The following FAM135B variants were observed in gnomAD, a reference collection of about 807,000 sequenced individuals.
FAM135B encodes protein FAM135B.
In FAM135B, 43 loss-of-function variants were observed where a neutral mutation model predicts 127.7. That is an observed-to-expected ratio of 0.34 (90% confidence interval 0.26 to 0.43). FAM135B has a LOEUF of 0.43. FAM135B is among the 20% of genes least tolerant of loss of function. FAM135B has a pLI of 1.00. For synonymous variants in FAM135B, 670 were observed against 665.1 expected (o/e 1.01, Z -0.11); for missense variants, 1,558 against 1,725.6 (o/e 0.90, Z 1.72).
chr8:138,153,012 G>A lies in FAM135B; in HGVS notation c.1463C>T (p.Thr488Ile), dbSNP rs775230824. 5.6e-6 allele frequency: 9 copies of A among 1,614,164 alleles called. No individual in the cohort carries two copies. The highest frequency in any genetic ancestry group is 3.3e-4 in the Middle Eastern group (2 of 6,062). Residue 488 changes from threonine (T) to isoleucine (I), a missense_variant, in exon 13 of 20, where the codon ACA becomes ATA. Around this residue, in one of 5 missense-constraint regions of FAM135B, gnomAD observed 923 missense variants for 865.3 expected, o/e 1.07. Coordinates refer to ENST00000395297, the MANE Select transcript of FAM135B (RefSeq NM_015912.4). ...RCPEPGENVATQNHMDMCSES... is the reference protein window; with the variant it reads ...RCPEPGENVAIQNHMDMCSES... ...AGAGCACATGTCCATATGATTTTGT[G>A]TGGCCACATTCTCACCTGGCTCTGG...
chr8:138,369,792 C>G (rs948555513), intron 1 of FAM135B, among the ~76,000 whole-genome samples: 1 of 152,144 alleles, frequency 6.6e-6, no homozygotes, highest in Non-Finnish European at 1.5e-5. Flanking sequence ...CATTAAACAT[C>G]AACAGCTGCA....
intron 1 of FAM135B, among the ~76,000 whole-genome samples, chr8:138,415,421 G>A (rs941462043): frequency 6.6e-6 from 1 of 152,120 alleles, no homozygotes; most frequent in Non-Finnish European, 1.5e-5. Context: ...TTTAGCTCTC[G>A]TGGTGACAAA....
intron 18 of FAM135B, among the ~76,000 whole-genome samples, chr8:138,137,856 C>A (rs1183473723): frequency 6.6e-6 from 1 of 152,078 alleles, no homozygotes; most frequent in Non-Finnish European, 1.5e-5. Flanking sequence ...GCCTCAGAGC[C>A]CATCGTGAAC....
intron 1 of FAM135B, among the ~76,000 whole-genome samples, chr8:138,495,008 T>C (rs1041960334): frequency 1.6e-4 from 24 of 152,184 alleles, no homozygotes; most frequent in African/African-American, 5.8e-4. Flanking sequence ...TGAGTGAATC[T>C]TGGACCAGAC....
intron 2 of FAM135B, among the ~76,000 whole-genome samples, chr8:138,329,098 T>C (rs550450434): frequency 1.3e-5 from 2 of 151,912 alleles, no homozygotes; most frequent in Admixed American, 6.6e-5. Context: ...AACAGCCACA[T>C]AGGTGATCGA....
intron 1 of FAM135B, among the ~76,000 whole-genome samples, chr8:138,454,312 T>C (rs532830170): frequency 5.3e-4 from 80 of 152,300 alleles, no homozygotes; most frequent in African/African-American, 1.9e-3. Flanking sequence ...CACAGCCATG[T>C]TTCAGTGACC....
intron 12 of FAM135B, among the ~76,000 whole-genome samples, chr8:138,166,762 C>A (rs1357634483): frequency 6.6e-6 from 1 of 152,130 alleles, no homozygotes; most frequent in Non-Finnish European, 1.5e-5. Context: ...TATTTGGTGA[C>A]TCGATGAGTG....
intron 12 of FAM135B, among the ~76,000 whole-genome samples, chr8:138,154,422 A>G (rs934793815): frequency 2.6e-5 from 4 of 152,198 alleles, no homozygotes; most frequent in Non-Finnish European, 5.9e-5. Context: ...GCAACAGAAC[A>G]AAGTTGGATG....
intron 1 of FAM135B, among the ~76,000 whole-genome samples, chr8:138,422,576 C>T (rs1328526003): frequency 6.6e-6 from 1 of 152,030 alleles, no homozygotes; most frequent in African/African-American, 2.4e-5. Flanking sequence ...TCATCTCACA[C>T]CAGTCAGAAT....
At chr8:138,298,792 G>A (rs1022807015) in intron 3 of FAM135B, among the ~76,000 whole-genome samples, 1 of 152,036 alleles carries the variant, frequency 6.6e-6, no homozygotes, top group Admixed American at 6.6e-5. Flanking sequence ...TATTCCCAAG[G>A]AACACACAAT....
intron 12 of FAM135B, among the ~76,000 whole-genome samples, chr8:138,158,051 G>C (rs200083503): frequency 7.2e-5 from 11 of 152,074 alleles, no homozygotes; most frequent in African/African-American, 2.7e-4. Context: ...TCAAGCTATA[G>C]TACAAGGCTA....
chr8:138,357,499 G>A (rs1043647237), intron 2 of FAM135B, among the ~76,000 whole-genome samples: 1 of 152,072 alleles, frequency 6.6e-6, no homozygotes, highest in Non-Finnish European at 1.5e-5. Flanking sequence ...GAAAGAATAT[G>A]ATGACATTTT....
intron 12 of FAM135B, among the ~76,000 whole-genome samples, chr8:138,156,936 A>G (rs1332236157): frequency 2.0e-5 from 3 of 152,198 alleles, no homozygotes; most frequent in African/African-American, 7.2e-5. Flanking sequence ...ATCCTCCCTA[A>G]CTCATTTTAT....
intron 11 of FAM135B, among the ~76,000 whole-genome samples, chr8:138,173,006 C>T (rs73428814): frequency 0.064 from 9,674 of 152,232 alleles, 554 homozygotes; most frequent in East Asian, 0.17. Context: ...CTGTTCAGCA[C>T]ATGGTCACCT....
At chr8:138,224,004 G>A (rs1323787907) in intron 7 of FAM135B, among the ~76,000 whole-genome samples, 1 of 151,960 alleles carries the variant, frequency 6.6e-6, no homozygotes, top group African/African-American at 2.4e-5. Flanking sequence ...ATATAAAGAT[G>A]GTAAGAATAG....
intron 2 of FAM135B, among the ~76,000 whole-genome samples, chr8:138,342,850 C>T (rs1829149138): frequency 6.6e-6 from 1 of 152,136 alleles, no homozygotes; most frequent in Admixed American, 6.5e-5. Flanking sequence ...GCATGTATGC[C>T]CACAAACATA....
At chr8:138,193,038 A>C (rs1053385073) in intron 9 of FAM135B, among the ~76,000 whole-genome samples, 10 of 152,142 alleles carry the variant, frequency 6.6e-5, no homozygotes, top group African/African-American at 2.2e-4. Context: ...AATCTTTGCA[A>C]TACAGGATTC....
At chr8:138,188,150 C>T (rs947836104) in intron 9 of FAM135B, among the ~76,000 whole-genome samples, 9 of 152,296 alleles carry the variant, frequency 5.9e-5, no homozygotes, top group African/African-American at 1.9e-4. Flanking sequence ...CCCTGTGGAA[C>T]TCTTCATCTG....
At chr8:138,153,586 C>T (rs1404191842) in intron 12 of FAM135B, among the ~76,000 whole-genome samples, 1 of 152,190 alleles carries the variant, frequency 6.6e-6, no homozygotes, top group East Asian at 1.9e-4. Flanking sequence ...ACACTCCCAC[C>T]CTAATACTGC....
Sources: allele counts gnomAD v4.1 joint callset (sites outside exome capture counted in the v4.1 genomes callset), GRCh38; gene constraint gnomAD v4.1.1; regional missense constraint gnomAD v4.1.1; transcripts MANE v1.5; gene names NCBI Gene and HGNC (gene_info 2026-07-23, HGNC 2026-07-21).